NFKBIZ: variants seen among roughly 807,000 people sequenced by gnomAD.
The protein encoded by NFKBIZ is NF-kappa-B inhibitor zeta.
A neutral mutation model predicts 76.8 loss-of-function variants in NFKBIZ; 19 were observed. The ratio of observed to expected loss-of-function variants is 0.25; its 90% CI spans 0.17 to 0.36. The LOEUF is 0.36. NFKBIZ is among the 10% of genes least tolerant of loss of function. The pLI is 1.00. For synonymous variants in NFKBIZ, 368 were observed against 354.8 expected, an observed-to-expected ratio of 1.04 and a Z score of -0.42; for missense variants, 829 against 910.9, an observed-to-expected ratio of 0.91 and a Z score of 1.16.
intron 9 of NFKBIZ, 194 bp from the exon 10 acceptor site, chr3:101,856,879 A>G (rs1560089771): frequency 5.8e-6 from 3 of 521,054 alleles, no homozygotes; most frequent in Non-Finnish European, 6.8e-6. Flanking sequence ...CATATAGACA[A>G]ATTAATAGGA....
rs1213179568 is a variant in NFKBIZ at position 101,849,836 on chromosome 3, T to TTC, written c.211_212dup (p.Ser72ProfsTer46). The TTC allele has an allele frequency of 6.8e-7, 1 of 1,474,066 alleles. No individual in the cohort carries two copies. The highest frequency in any genetic ancestry group is 8.9e-7 in the Non-Finnish European group (1 of 1,120,460). The allele number at this position is 1,474,066 out of a possible 1,614,324, so 91.3% of individuals were successfully genotyped here. On this transcript the variant is annotated frameshift_variant, in exon 1 of 12. Transcript: ENST00000326172. LOFTEE classifies it high-confidence loss of function. ...CTCGCCCGGCTCCGACTCCTCCGAC[T>TTC]TCTCCTCTGCCTCGTCGGTGTCCTC... is the stretch of plus-strand genomic sequence containing the variant.
At chr3:101,829,684 C>G (rs1576803207) in exon 2 of NFKBIZ, 1 of 151,988 alleles carries the variant, frequency 6.6e-6, no homozygotes, top group South Asian at 2.1e-4. Context: ...GCTGAACTCT[C>G]GAGGGTGAGA....
chr3:101,834,431 G>T (rs1942688311), intron 2 of NFKBIZ, among the ~76,000 whole-genome samples: 1 of 151,666 alleles, frequency 6.6e-6, no homozygotes, highest in African/African-American at 2.4e-5. Flanking sequence ...CTCTATCTTG[G>T]CTCACTACAA....
intron 2 of NFKBIZ, among the ~76,000 whole-genome samples, chr3:101,841,227 A>G (rs1942781067): frequency 6.6e-6 from 1 of 152,202 alleles, no homozygotes; most frequent in Admixed American, 6.5e-5. Context: ...ATCTTTCCAG[A>G]TTAAAACATA....
In NFKBIZ at chr3:101,857,717, G is replaced by A. The variant is rs568987179; in HGVS notation, c.2103+258G>A. 9.1e-6 allele frequency: 9 copies of A among 985,442 alleles called. No individual in the cohort carries two copies. In the Admixed American group the frequency reaches 5.5e-4, roughly 61 times the overall value. The allele number at this position is 985,442 out of a possible 1,614,324, so 61.0% of individuals were successfully genotyped here. A position where few individuals can be genotyped will look rare whatever the true frequency, so the allele number is the denominator to read the frequency against. ...ATTCTGTGACACACACTTAGGGTTA[G>A]AGTAAGTCAGAATGGTTTAAGGTTC... On this transcript the variant is annotated intron_variant, in intron 11 of 11. Coordinates refer to ENST00000326172, the MANE Select transcript of NFKBIZ (RefSeq NM_031419.4).
At chr3:101,847,631 T>C (rs935906532), upstream of NFKBIZ, among the ~76,000 whole-genome samples, 3 of 152,222 alleles carry the variant, frequency 2.0e-5, no homozygotes, top group Non-Finnish European at 4.4e-5. Context: ...TACTGAATAC[T>C]GTAGGCAACT....
At position 101,849,724 on chromosome 3, in the gene NFKBIZ, G is replaced by C; in HGVS notation, c.96G>C (p.Leu32=). Residue 32 remains leucine (L), a synonymous_variant, in exon 1 of 12, where the codon CTG becomes CTC. Transcript: ENST00000326172. Reference sequence around the variant, plus strand: ...GCCTCATGACCAGCCCGCTCAACCTGAGCTACTTCTACGGCGCGTCGCCGC... The same window carrying C: ...GCCTCATGACCAGCCCGCTCAACCTCAGCTACTTCTACGGCGCGTCGCCGC... ...GCGLMTSPLN[L]SYFYGASPPA... 1.4e-6 allele frequency: 2 copies of C among 1,450,062 alleles called. No homozygotes were observed. Among genetic ancestry groups the C allele is most frequent in the South Asian group, 2.7e-5 (2 of 74,314 alleles). The allele number at this position is 1,450,062 out of a possible 1,614,324, so 89.8% of individuals were successfully genotyped here. A position where few individuals can be genotyped will look rare whatever the true frequency, so the allele number is the denominator to read the frequency against.
chr3:101,855,397 G>A lies in NFKBIZ; in HGVS notation c.1593G>A (p.Ala531=), dbSNP rs769907083. 8 of 1,614,068 alleles carry A rather than the reference G, an allele frequency of 5.0e-6. No individual in the cohort carries two copies. In the East Asian group the frequency reaches 6.7e-5, roughly 13 times the overall value. Residue 531 remains alanine, a splice_region_variant and synonymous_variant, in exon 8 of 12, where the codon GCG becomes GCA. Coordinates refer to ENST00000326172, the MANE Select transcript of NFKBIZ (RefSeq NM_031419.4). ...ATGTCTGTTTTTAAAATCTGCAGGC[G>A]ATTCAGAAGGGAGCAGTGGGAAGTA... The part of the protein sequence containing the change: ...AEKGHSQVLQ[A]IQKGAVGSNQ...
chr3:101,832,786 A>G (rs187674932), intron 2 of NFKBIZ, among the ~76,000 whole-genome samples: 76 of 152,304 alleles, frequency 5.0e-4, no homozygotes, highest in African/African-American at 1.6e-3. Context: ...ATGGGTGTAC[A>G]AGTATCTGTT....
intron 11 of NFKBIZ, chr3:101,857,720 T>C: frequency 3.0e-6 from 3 of 985,338 alleles, no homozygotes; most frequent in Non-Finnish European, 3.6e-6. Flanking sequence ...AGGGTTAGAG[T>C]AAGTCAGAAT....
At chr3:101,828,124 C>A (rs115429575) in exon 1 of NFKBIZ, 1 of 152,330 alleles carries the variant, frequency 6.6e-6, no homozygotes, top group African/African-American at 2.4e-5. Context: ...TCGCTGATTA[C>A]AGCTGGAAAC....
rs369561115 is a variant in NFKBIZ, at chr3:101,859,365, G to A, written c.2151G>A (p.Pro717=). ...AGTCCATTCAGCAGAGAGCTCCACC[G>A]TATTAGCTCCATTAGCTTGGAGCCT... is the stretch of plus-strand genomic sequence containing the variant. The part of the protein sequence containing the change: ...KGKSIQQRAP[P]Y The change falls in exon 12 of 12, where the codon CCG becomes CCA. Residue 717 remains proline, a synonymous_variant. Transcript: ENST00000326172. 2.3e-5 allele frequency: 37 copies of A among 1,613,222 alleles called. No individual in the cohort carries two copies. In the African/African-American group the frequency reaches 3.2e-4, roughly 14 times the overall value.
At chr3:101,852,365 C>CAT in intron 2 of NFKBIZ, 141 bp downstream of exon 2, 2 of 1,074,684 alleles carry the variant, frequency 1.9e-6, no homozygotes, top group Non-Finnish European at 2.7e-6. Flanking sequence ...GGACAGAGAC[C>CAT]ATATTTGTCT....
chr3:101,849,919 T>TA lies in NFKBIZ; in HGVS notation c.289+3dup, dbSNP rs1469386768. ...GCGCCCGCGCCGAGCGCCAGCCAGG[T>TA]ACCCGCCGGCCCCGCACCGCTGCGT... On this transcript the variant is annotated splice_region_variant and intron_variant, in intron 1 of 11. Coordinates refer to ENST00000326172, the MANE Select transcript of NFKBIZ (RefSeq NM_031419.4). The TA allele has an allele frequency of 8.5e-6, 12 of 1,416,926 alleles. No homozygotes were observed. The highest frequency in any genetic ancestry group is 1.1e-5 in the Non-Finnish European group (12 of 1,094,156). 87.8% of individuals were successfully genotyped at this position (1,416,926 alleles called of 1,614,324 possible). A position where few individuals can be genotyped will look rare whatever the true frequency, so the allele number is the denominator to read the frequency against.
chr3:101,840,204 A>C (rs1418160850), intron 2 of NFKBIZ, among the ~76,000 whole-genome samples: 2 of 152,182 alleles, frequency 1.3e-5, no homozygotes, highest in African/African-American at 2.4e-5. Context: ...AAGTCAGAGA[A>C]AGCAGAAGAA....
intron 2 of NFKBIZ, among the ~76,000 whole-genome samples, chr3:101,838,724 G>A (rs1942753521): frequency 6.6e-6 from 1 of 152,168 alleles, no homozygotes; most frequent in African/African-American, 2.4e-5. Flanking sequence ...CATCAACTTT[G>A]TATTAAATTT....
chr3:101,858,195 A>G (rs1943079436), intron 11 of NFKBIZ: 1 of 985,290 alleles, frequency 1.0e-6, no homozygotes. Context: ...ATCACAAAAT[A>G]AAATACGTGG....
intron 11 of NFKBIZ, among the ~76,000 whole-genome samples, chr3:101,858,712 T>C (rs987438849): frequency 2.0e-5 from 3 of 152,206 alleles, no homozygotes. Flanking sequence ...TTGTTGCTTC[T>C]AATCTGCTGG....
chr3:101,845,407 CT>C (rs1235474950), upstream of NFKBIZ, among the ~76,000 whole-genome samples: 1 of 151,400 alleles, frequency 6.6e-6, no homozygotes, highest in Non-Finnish European at 1.5e-5. Flanking sequence ...GATCCTCCCA[CT>C]TCGGCCTCCC....
Sources: gnomAD v4.1 joint callset for allele counts (sites outside exome capture counted in the v4.1 genomes callset) on GRCh38, gnomAD v4.1.1 for gene constraint, MANE v1.5 for transcripts, NCBI Gene and HGNC (gene_info 2026-07-23, HGNC 2026-07-21) for gene names.